Variants in LARGE1 observed in about 807,000 individuals in gnomAD.
LARGE1 encodes LARGE xylosyl- and glucuronyltransferase 1.
A neutral mutation model predicts 87.6 loss-of-function variants in LARGE1; 43 were observed. The ratio of observed to expected loss-of-function variants is 0.49; its 90% CI spans 0.38 to 0.63. The LOEUF (loss-of-function observed/expected upper bound fraction) is 0.63, where lower values mean the gene tolerates loss of function less well. Among genes scored for constraint, LARGE1 ranks in the 30% least tolerant of loss-of-function variants. The probability of loss-of-function intolerance (pLI) is 0.00; values close to 1 mark genes in which losing one functional copy is unlikely to be tolerated. For synonymous variants in LARGE1, 434 were observed against 394.6 expected, an observed-to-expected ratio of 1.10 and a Z score of -1.18; for missense variants, 802 against 1,000.2, an observed-to-expected ratio of 0.80 and a Z score of 2.67.
the LARGE1 span, among the ~76,000 whole-genome samples, chr22:33,130,313 C>CAAAAAAAAAAAAAAAAAAAAAAAAAAA: frequency 1.2e-4 from 7 of 57,004 alleles, 1 homozygote; most frequent in African/African-American, 3.4e-4. Flanking sequence ...GATTCCGTCT[C>CAAAAAAAAAAAAAAAAAAAAAAAAAAA]AAAAAAAAAA....
chr22:33,389,962 T>C (rs1169235518), intron 7 of LARGE1, among the ~76,000 whole-genome samples: 1 of 152,190 alleles, frequency 6.6e-6, no homozygotes, highest in Non-Finnish European at 1.5e-5. Flanking sequence ...AGGCCTCCAG[T>C]ATTTCAGGGT....
At chr22:33,198,135 C>T (rs991791078) in intron 11 of LARGE1, among the ~76,000 whole-genome samples, 3 of 151,940 alleles carry the variant, frequency 2.0e-5, no homozygotes, top group East Asian at 3.8e-4. Context: ...ACCTCCAGAG[C>T]GGTGTGGTGG....
At chr22:33,662,678 C>T (rs2149236699) in intron 2 of LARGE1, among the ~76,000 whole-genome samples, 1 of 151,976 alleles carries the variant, frequency 6.6e-6, no homozygotes, top group Non-Finnish European at 1.5e-5. Flanking sequence ...TTAGCAGTGG[C>T]AACATAGCCA....
At chr22:33,892,719 C>A (rs1371169659) in intron 1 of LARGE1, among the ~76,000 whole-genome samples, 1 of 152,032 alleles carries the variant, frequency 6.6e-6, no homozygotes, top group Non-Finnish European at 1.5e-5. Flanking sequence ...AAAGGTGGTA[C>A]AACAGTGGCA....
the LARGE1 span, among the ~76,000 whole-genome samples, chr22:33,132,013 T>A: frequency 6.6e-6 from 1 of 151,124 alleles, no homozygotes; most frequent in African/African-American, 2.4e-5. Context: ...ACTCAGTCAC[T>A]ATCACGAGAA....
chr22:33,471,029 C>CT (rs372332553), intron 6 of LARGE1, among the ~76,000 whole-genome samples: 25,753 of 129,700 alleles, frequency 0.2, 2,739 homozygotes, highest in East Asian at 0.28. Flanking sequence ...TCTTCTTCTT[C>CT]TTTTTTTTTT....
the LARGE1 span, among the ~76,000 whole-genome samples, chr22:33,120,857 C>T: frequency 2.0e-5 from 3 of 151,922 alleles, no homozygotes; most frequent in East Asian, 5.8e-4. Context: ...AAAGCTGCTC[C>T]TGCCTGTAAA....
At chr22:33,893,616 G>A (rs550746893) in intron 1 of LARGE1, among the ~76,000 whole-genome samples, 1 of 152,168 alleles carries the variant, frequency 6.6e-6, no homozygotes, top group Non-Finnish European at 1.5e-5. Flanking sequence ...TTCACCTCCC[G>A]AAGTGACCTT....
At chr22:33,175,669 G>A (rs139524751) in intron 11 of LARGE1, among the ~76,000 whole-genome samples, 7,792 of 152,126 alleles carry the variant, frequency 0.051, 225 homozygotes, top group Middle Eastern at 0.16. Context: ...ACAAACAAAC[G>A]GAAGAACATT....
intron 1 of LARGE1, among the ~76,000 whole-genome samples, chr22:33,889,923 T>A (rs2064960448): frequency 6.6e-6 from 1 of 152,222 alleles, no homozygotes; most frequent in African/African-American, 2.4e-5. Flanking sequence ...CCTCATGGGA[T>A]AGACAGATGA....
At chr22:33,428,348 A>T (rs1188293217) in intron 7 of LARGE1, among the ~76,000 whole-genome samples, 3 of 147,266 alleles carry the variant, frequency 2.0e-5, no homozygotes, top group Non-Finnish European at 4.5e-5. Context: ...ACAGAGTCTC[A>T]GTCTGTCGCC....
rs1343578647 is a variant in LARGE1 at position 33,727,331 on chromosome 22, T to C, written c.106+34040A>G. 2.0e-5 allele frequency among the ~76,000 whole-genome samples: 3 copies of C among 152,302 alleles called. No individual in the cohort carries two copies. In the East Asian group the frequency reaches 5.8e-4, roughly 29 times the overall value. The stretch of plus-strand genomic sequence containing the variant: ...TGGGCACTGAACAGAGGGTGATCCA[T>C]TCACCATCTGATTCAATTCTCTCAT... On this transcript the variant is annotated intron_variant, in intron 2 of 14. Transcript: ENST00000397394.
chr22:33,501,115 G>A (rs1023804545), intron 6 of LARGE1, among the ~76,000 whole-genome samples: 9 of 152,128 alleles, frequency 5.9e-5, no homozygotes, highest in Non-Finnish European at 1.2e-4. Context: ...AAGCTCCAGG[G>A]CTGTATTTGA....
chr22:33,751,772 C>CT (rs559675510), intron 2 of LARGE1, among the ~76,000 whole-genome samples: 3,104 of 143,892 alleles, frequency 0.022, 84 homozygotes, highest in African/African-American at 0.063. Flanking sequence ...TGCCACTATT[C>CT]TTTTTTTTTT....
intron 7 of LARGE1, among the ~76,000 whole-genome samples, chr22:33,415,404 C>A (rs1054958291): frequency 6.6e-6 from 1 of 152,220 alleles, no homozygotes; most frequent in African/African-American, 2.4e-5. Context: ...ATTTCTTGCA[C>A]TTCAGGCCAG....
chr22:33,826,621 G>A (rs551441585), intron 1 of LARGE1, among the ~76,000 whole-genome samples: 6 of 152,056 alleles, frequency 3.9e-5, no homozygotes, highest in South Asian at 2.1e-4. Flanking sequence ...GATTACAGGC[G>A]AGAGCCATCA....
intron 11 of LARGE1, among the ~76,000 whole-genome samples, chr22:33,252,286 A>T (rs2145720642): frequency 8.1e-6 from 1 of 123,370 alleles, no homozygotes. Context: ...TCATTAATAT[A>T]TATCTAGAAT....
At chr22:33,226,481 C>A (rs1302063829) in intron 11 of LARGE1, among the ~76,000 whole-genome samples, 1 of 152,188 alleles carries the variant, frequency 6.6e-6, no homozygotes, top group Non-Finnish European at 1.5e-5. Flanking sequence ...CCTGTCCCTT[C>A]CCAGGAGGTC....
At chr22:33,569,324 C>T (rs2078124531) in intron 5 of LARGE1, among the ~76,000 whole-genome samples, 1 of 152,166 alleles carries the variant, frequency 6.6e-6, no homozygotes, top group South Asian at 2.1e-4. Flanking sequence ...CCCTGACTCT[C>T]CGTTTTATTT....
Sources: gnomAD v4.1 joint callset for allele counts (sites outside exome capture counted in the v4.1 genomes callset) on GRCh38, gnomAD v4.1.1 for gene constraint, MANE v1.5 for transcripts, NCBI Gene and HGNC (gene_info 2026-07-23, HGNC 2026-07-21) for gene names.